The following PTPRS variants were observed in gnomAD, a reference collection of about 807,000 sequenced individuals.
The protein encoded by PTPRS is protein tyrosine phosphatase receptor type S.
A neutral mutation model predicts 215.3 loss-of-function variants in PTPRS; 63 were observed. The observed-to-expected ratio is 0.29, with a 90% CI of 0.24 to 0.36. The LOEUF is 0.36. Among genes scored for constraint, PTPRS ranks in the 10% least tolerant of loss-of-function variants. PTPRS has a pLI of 1.00. For synonymous variants in PTPRS, 1,404 were observed against 1,191.4 expected, an observed-to-expected ratio of 1.18 and a Z score of -3.68; for missense variants, 2,258 against 2,825.8, an observed-to-expected ratio of 0.80 and a Z score of 4.56.
rs917710685 is a variant in PTPRS at position 5,287,041 on chromosome 19, C to A, written c.-94-807G>T. Among the ~76,000 whole-genome samples the A allele has an allele frequency of 6.6e-6, 1 of 152,180 alleles. No homozygotes were observed. Among genetic ancestry groups the A allele is most frequent in the East Asian group, 1.9e-4 (1 of 5,200 alleles). On this transcript the variant is annotated intron_variant, in intron 1 of 37. Coordinates refer to ENST00000262963, the MANE Select transcript of PTPRS (RefSeq NM_002850.4). The surrounding 1 kb of genome is among the most constrained non-coding windows in gnomAD (Gnocchi z 4.8). Reference sequence around the variant, plus strand: ...TCTTCCACACACCTGCCTGTCCCTGCCCTGCTCTAAGACCTCCCATGGCTC... The same window carrying A: ...TCTTCCACACACCTGCCTGTCCCTGACCTGCTCTAAGACCTCCCATGGCTC...
chr19:5,309,509 G>A (rs766217818), intron 1 of PTPRS, among the ~76,000 whole-genome samples: 4 of 152,232 alleles, frequency 2.6e-5, no homozygotes, highest in South Asian at 2.1e-4. Context: ...CTGAAAACCC[G>A]CTATGGGCTA....
At position 5,268,036 on chromosome 19, in the gene PTPRS, G is replaced by A. The variant is rs891771842; in HGVS notation, c.380-2840C>T. Reference sequence around the variant, plus strand: ...ACAAAGAAGATTAGCCGGGCTTGGTGACGGGCACCTGTAGTCCCAGCTACT... The same window carrying A: ...ACAAAGAAGATTAGCCGGGCTTGGTAACGGGCACCTGTAGTCCCAGCTACT... On this transcript the variant is annotated intron_variant, in intron 4 of 37. Coordinates refer to ENST00000262963, the MANE Select transcript of PTPRS (RefSeq NM_002850.4). Among the ~76,000 whole-genome samples the A allele has an allele frequency of 4.2e-4, 64 of 152,256 alleles. 1 individual carries two copies. The highest frequency in any genetic ancestry group is 2.4e-3 in the Admixed American group (37 of 15,288).
At position 5,218,765 on chromosome 19, in the gene PTPRS, ACG is replaced by A; in HGVS notation, c.3935+20_3935+21del. 6.2e-7 allele frequency: 1 copy of A among 1,612,342 alleles called. No homozygotes were observed. The highest frequency in any genetic ancestry group is 8.5e-7 in the Non-Finnish European group (1 of 1,178,886). ...CCTCTTCCTCTTGCCTGAAGCCTCC[ACG>A]GGGGAGGGCTGGTTCTTACCTGTCG... On this transcript the variant is annotated intron_variant, in intron 24 of 37. Transcript: ENST00000262963.
In PTPRS at chr19:5,223,199, C is replaced by T. The variant is rs1160265804; in HGVS notation, c.2593G>A (p.Gly865Ser). The part of the protein sequence containing the change: ...PAGTAEDQVL[G>S]YRLQFGREDS... Reference sequence around the variant, plus strand: ...TCACGGCCAAACTGCAGGCGGTAGCCCAGCACCTGGTCCTCCGCGGTGCCA... The same window carrying T: ...TCACGGCCAAACTGCAGGCGGTAGCTCAGCACCTGGTCCTCCGCGGTGCCA... Residue 865 changes from glycine (G) to serine (S), a missense_variant, in exon 18 of 38, where the codon GGC (glycine) becomes AGC (serine). Around this residue, in one of 6 missense-constraint regions of PTPRS, gnomAD observed 361 missense variants for 332.6 expected, o/e 1.09. Coordinates refer to ENST00000262963, the MANE Select transcript of PTPRS (RefSeq NM_002850.4). 1.9e-6 allele frequency: 3 copies of T among 1,542,316 alleles called. No homozygotes were observed. Among genetic ancestry groups the T allele is most frequent in the African/African-American group, 2.8e-5 (2 of 71,756 alleles).
chr19:5,318,273 G>A (rs1177826776), intron 1 of PTPRS, among the ~76,000 whole-genome samples: 1 of 152,042 alleles, frequency 6.6e-6, no homozygotes, highest in Non-Finnish European at 1.5e-5. Context: ...CCCAGGAGGC[G>A]GAGGTTGCAG....
chr19:5,274,346 TG>T lies in PTPRS; in HGVS notation c.92-3del. 1 of 1,524,178 alleles carries T rather than the reference TG, an allele frequency of 6.6e-7. No individual in the cohort carries two copies. Among genetic ancestry groups the T allele is most frequent in the Non-Finnish European group, 8.9e-7 (1 of 1,124,626 alleles). The allele number at this position is 1,524,178 out of a possible 1,614,324, so 94.4% of individuals were successfully genotyped here. On this transcript the variant is annotated splice_region_variant and splice_polypyrimidine_tract_variant and intron_variant, in intron 2 of 37. Coordinates refer to ENST00000262963, the MANE Select transcript of PTPRS (RefSeq NM_002850.4). ...GTTCTTTGATAAACCTGGGGGGCTC[TG>T]GGGATACAGTGGAAAGAAGGGGGGG...
chr19:5,305,603 C>T (rs2147117736), intron 1 of PTPRS, among the ~76,000 whole-genome samples: 1 of 151,228 alleles, frequency 6.6e-6, no homozygotes, highest in Admixed American at 6.6e-5. Context: ...GTGGCTCATG[C>T]CTCTAATCCC....
At chr19:5,239,616 G>C (rs1384424803) in intron 12 of PTPRS, among the ~76,000 whole-genome samples, 1 of 151,452 alleles carries the variant, frequency 6.6e-6, no homozygotes, top group Non-Finnish European at 1.5e-5. Flanking sequence ...AAACAGGGGA[G>C]AGAGACAGAC....
At chr19:5,333,592 C>A (rs889611355) in intron 1 of PTPRS, among the ~76,000 whole-genome samples, 1 of 152,062 alleles carries the variant, frequency 6.6e-6, no homozygotes, top group Non-Finnish European at 1.5e-5. Context: ...GTCAACTCTT[C>A]TCTTCTTGTT....
Position 5,223,338 on chromosome 19 carries a change from C to T in PTPRS, c.2495-41G>A, listed in dbSNP as rs529450234. ...GCAGGTGTCAGGGTCCCAGCGCCAT[C>T]CGCCAGCCCAGAGGCACAAGGTGGG... On this transcript the variant is annotated intron_variant, in intron 17 of 37. Transcript: ENST00000262963. The T allele has an allele frequency of 3.0e-5, 43 of 1,423,746 alleles. No homozygotes were observed. In the African/African-American group the frequency reaches 5.8e-4, roughly 19 times the overall value. 88.2% of individuals were successfully genotyped at this position (1,423,746 alleles called of 1,614,324 possible).
chr19:5,304,456 G>A (rs890951331), intron 1 of PTPRS, among the ~76,000 whole-genome samples: 4 of 151,810 alleles, frequency 2.6e-5, no homozygotes, highest in African/African-American at 7.3e-5. Context: ...CAGCCTGGGC[G>A]AAAAGAAACT....
chr19:5,262,424 C>T (rs2046072849), intron 6 of PTPRS, among the ~76,000 whole-genome samples: 1 of 152,180 alleles, frequency 6.6e-6, no homozygotes, highest in Non-Finnish European at 1.5e-5. Context: ...CAGTCACTCT[C>T]ACTTTAGTAT....
chr19:5,291,501 C>T (rs1246077266), intron 1 of PTPRS, among the ~76,000 whole-genome samples: 1 of 152,068 alleles, frequency 6.6e-6, no homozygotes, highest in Non-Finnish European at 1.5e-5. Flanking sequence ...TGGGGGTACC[C>T]CTGCTTCTGC....
chr19:5,208,763 C>G (rs2040601900), intron 35 of PTPRS, among the ~76,000 whole-genome samples: 1 of 152,130 alleles, frequency 6.6e-6, no homozygotes, highest in South Asian at 2.1e-4. Flanking sequence ...CTCACCACTT[C>G]TTGCCACCCA....
chr19:5,242,266 C>T (rs2044104309), intron 11 of PTPRS, among the ~76,000 whole-genome samples: 1 of 152,136 alleles, frequency 6.6e-6, no homozygotes, highest in Non-Finnish European at 1.5e-5. Context: ...CACACAGCCC[C>T]CCTTGTCTCC....
At chr19:5,232,110 T>G (rs2043067862) in intron 13 of PTPRS, among the ~76,000 whole-genome samples, 1 of 152,000 alleles carries the variant, frequency 6.6e-6, no homozygotes, top group Non-Finnish European at 1.5e-5. Flanking sequence ...CCAGGCACCA[T>G]GCCAAAGGGA....
chr19:5,216,097 C>T (rs767477647), intron 26 of PTPRS, among the ~76,000 whole-genome samples: 3 of 152,104 alleles, frequency 2.0e-5, no homozygotes, highest in African/African-American at 4.8e-5. Context: ...CAGGTAGAGG[C>T]GACAGACTAG....
At position 5,220,240 on chromosome 19, in the gene PTPRS, G is replaced by C; in HGVS notation, c.3549+20C>G. ...ACTGGAATGCATCTGGGCCCTGCGG[G>C]TTGGGCCCCAGGCCCTCACCTCTTC... On this transcript the variant is annotated intron_variant, in intron 21 of 37. Coordinates refer to ENST00000262963, the MANE Select transcript of PTPRS (RefSeq NM_002850.4). 6.2e-7 allele frequency: 1 copy of C among 1,612,342 alleles called. No homozygotes were observed. Among genetic ancestry groups the C allele is most frequent in the Non-Finnish European group, 8.5e-7 (1 of 1,178,864 alleles).
chr19:5,239,609 CAG>C (rs887609097), intron 12 of PTPRS, among the ~76,000 whole-genome samples: 38 of 148,492 alleles, frequency 2.6e-4, no homozygotes, highest in Middle Eastern at 7.6e-3. Context: ...CACAGAGAAA[CAG>C]GGGAGAGAGA....
Sources: allele counts gnomAD v4.1 joint callset (sites outside exome capture counted in the v4.1 genomes callset), GRCh38; gene constraint gnomAD v4.1.1; regional missense constraint gnomAD v4.1.1; non-coding constraint Gnocchi (gnomAD v3.1); transcripts MANE v1.5; gene names NCBI Gene and HGNC (gene_info 2026-07-23, HGNC 2026-07-21).